Variants in RARB observed in about 807,000 individuals in gnomAD.
The protein encoded by RARB is HBV-activated protein.
In RARB, 17 loss-of-function variants were observed where a neutral mutation model predicts 51.9. The observed-to-expected ratio is 0.33, with a 90% CI of 0.22 to 0.49. The LOEUF (loss-of-function observed/expected upper bound fraction) is 0.49. Ranked by LOEUF, RARB falls within the 20% of genes least tolerant of loss-of-function variation. The pLI, the probability that RARB is intolerant of heterozygous loss-of-function variation, is 0.99. For missense variants in RARB, 369 were observed against 550.8 expected (o/e 0.67, Z 3.30); for synonymous variants, 215 against 195.4 (o/e 1.10, Z -0.84).
At chr3:24,974,176 CA>C (rs1345943957) in intron 2 of RARB, among the ~76,000 whole-genome samples, 1 of 151,788 alleles carries the variant, frequency 6.6e-6, no homozygotes, top group Non-Finnish European at 1.5e-5. Flanking sequence ...TGAATTTTAC[CA>C]AAAGATTTTC....
At chr3:25,304,882 A>C (rs576560939) in intron 5 of RARB, among the ~76,000 whole-genome samples, 6 of 152,180 alleles carry the variant, frequency 3.9e-5, no homozygotes, top group African/African-American at 1.2e-4. Context: ...TAACAATTCA[A>C]ACTTACTCCA....
At chr3:25,285,614 G>C (rs1228083362) in intron 5 of RARB, among the ~76,000 whole-genome samples, 1 of 152,178 alleles carries the variant, frequency 6.6e-6, no homozygotes, top group African/African-American at 2.4e-5. Flanking sequence ...TACTACTAAG[G>C]TGATGACCAA....
intron 4 of RARB, among the ~76,000 whole-genome samples, chr3:25,159,542 G>A (rs907213785): frequency 3.9e-5 from 6 of 152,112 alleles, no homozygotes; most frequent in Admixed American, 1.3e-4. Context: ...TGACTGTCTG[G>A]AAGGAAAAGT....
chr3:25,323,635 A>T (rs574501574), intron 5 of RARB, among the ~76,000 whole-genome samples: 2 of 152,194 alleles, frequency 1.3e-5, no homozygotes, highest in African/African-American at 4.8e-5. Context: ...AACATTTTCC[A>T]TAACTTAGCT....
intron 1 of RARB, among the ~76,000 whole-genome samples, chr3:24,843,262 A>G (rs1208238814): frequency 1.3e-5 from 2 of 152,242 alleles, no homozygotes; most frequent in African/African-American, 4.8e-5. Context: ...GCTTCAAACC[A>G]TCTCTTCCAG....
chr3:24,882,873 A>T, intron 2 of RARB, among the ~76,000 whole-genome samples: 1 of 152,194 alleles, frequency 6.6e-6, no homozygotes, highest in South Asian at 2.1e-4. Context: ...CATATATGAC[A>T]GAACTCTGAC....
chr3:25,156,194 A>G (rs558347933), intron 4 of RARB, among the ~76,000 whole-genome samples: 16 of 152,352 alleles, frequency 1.1e-4, no homozygotes, highest in Admixed American at 3.3e-4. Context: ...ATGTAACTTT[A>G]GCAGGAATGA....
chr3:25,312,866 C>T (rs981225909), intron 5 of RARB, among the ~76,000 whole-genome samples: 2 of 152,200 alleles, frequency 1.3e-5, no homozygotes, highest in Non-Finnish European at 2.9e-5. Flanking sequence ...CTCAATCTCA[C>T]CATTCCCTGT....
intron 2 of RARB, among the ~76,000 whole-genome samples, chr3:24,966,766 A>G (rs770221277): frequency 2.0e-5 from 3 of 152,174 alleles, no homozygotes; most frequent in Non-Finnish European, 4.4e-5. Context: ...TTCACATTAA[A>G]TTTTTATCTT....
At chr3:25,513,000 A>G (rs1697971052) in intron 3 of RARB, among the ~76,000 whole-genome samples, 1 of 152,002 alleles carries the variant, frequency 6.6e-6, no homozygotes, top group African/African-American at 2.4e-5. Context: ...ATTGAAAGCA[A>G]AGGGTACGGC....
At chr3:25,197,419 G>T (rs745788902) in intron 5 of RARB, among the ~76,000 whole-genome samples, 1 of 152,058 alleles carries the variant, frequency 6.6e-6, no homozygotes, top group East Asian at 1.9e-4. Context: ...TGTTCCATTC[G>T]TCTACGTATC....
At chr3:25,497,329 A>C (rs1373060092) in intron 2 of RARB, among the ~76,000 whole-genome samples, 1 of 152,194 alleles carries the variant, frequency 6.6e-6, no homozygotes, top group African/African-American at 2.4e-5. Context: ...AGCCCTCATG[A>C]TGGTGTCCTT....
intron 4 of RARB, among the ~76,000 whole-genome samples, chr3:25,170,786 A>G (rs896845861): frequency 6.6e-6 from 1 of 152,110 alleles, no homozygotes; most frequent in Non-Finnish European, 1.5e-5. Flanking sequence ...AAAATTATAT[A>G]CATATGTGTG....
At chr3:25,046,654 C>T (rs749473452) in intron 2 of RARB, among the ~76,000 whole-genome samples, 1 of 152,106 alleles carries the variant, frequency 6.6e-6, no homozygotes, top group Non-Finnish European at 1.5e-5. Flanking sequence ...GGGGTTTCAC[C>T]ATGTTGGTCA....
At chr3:25,209,881 T>C (rs1297039491) in intron 5 of RARB, among the ~76,000 whole-genome samples, 6 of 152,214 alleles carry the variant, frequency 3.9e-5, no homozygotes, top group African/African-American at 1.4e-4. Context: ...AAACTACTGC[T>C]GGGAAGCTCT....
intron 5 of RARB, among the ~76,000 whole-genome samples, chr3:25,312,389 T>C (rs1381754878): frequency 6.6e-6 from 1 of 152,046 alleles, no homozygotes; most frequent in Non-Finnish European, 1.5e-5. Context: ...AGACCTAAGA[T>C]TTTGAGAAGT....
rs1015249592 is a variant in RARB, at chr3:24,989,436, C to T, written c.-379-70689C>T. ...AATTTTCTCTCTAATATTGTAATAT[C>T]GATTTTCACTCCCACCAGCAATATA... On this transcript the variant is annotated intron_variant, in intron 2 of 11. Coordinates refer to the RARB transcript ENST00000383772. Among the ~76,000 whole-genome samples the T allele has an allele frequency of 1.8e-5, 2 of 113,796 alleles. 1 individual carries two copies. The highest frequency in any genetic ancestry group is 3.6e-5 in the Non-Finnish European group (2 of 54,804). 74.7% of individuals were successfully genotyped at this position (113,796 alleles called of 152,430 possible).
chr3:25,551,445 T>C (rs1699849957), intron 3 of RARB, among the ~76,000 whole-genome samples: 1 of 152,148 alleles, frequency 6.6e-6, no homozygotes, highest in African/African-American at 2.4e-5. Flanking sequence ...GAGAGGAGGA[T>C]AGGTCTGCCT....
intron 2 of RARB, among the ~76,000 whole-genome samples, chr3:24,865,206 T>C (rs1342351370): frequency 2.6e-5 from 4 of 152,158 alleles, no homozygotes; most frequent in African/African-American, 7.2e-5. Flanking sequence ...AGTCCCTTAG[T>C]ATACAAGAGG....
Sources: gnomAD v4.1 joint callset for allele counts (sites outside exome capture counted in the v4.1 genomes callset) on GRCh38, gnomAD v4.1.1 for gene constraint, MANE v1.5 for transcripts, NCBI Gene and HGNC (gene_info 2026-07-23, HGNC 2026-07-21) for gene names.